The following MCPH1 variants were observed in gnomAD, a reference collection of about 807,000 sequenced individuals.
The protein encoded by MCPH1 is microcephalin.
MCPH1 carries 104 observed loss-of-function variants against 84.5 expected under a neutral mutation model. That is an observed-to-expected ratio of 1.23 (90% CI 1.05 to 1.45). MCPH1 has a LOEUF of 1.45. Ranked by LOEUF, MCPH1 falls within the 40% of genes most tolerant of loss-of-function variation. The pLI, the probability that MCPH1 is intolerant of heterozygous loss-of-function variation, is 0.00. For synonymous variants in MCPH1, 514 were observed against 366.8 expected, an observed-to-expected ratio of 1.40 and a Z score of -4.58; for missense variants, 1,498 against 1,005.7, an observed-to-expected ratio of 1.49 and a Z score of -6.62.
intron 10 of MCPH1, among the ~76,000 whole-genome samples, chr8:6,478,171 A>G (rs1223379554): frequency 1.3e-5 from 2 of 152,240 alleles, no homozygotes; most frequent in Non-Finnish European, 2.9e-5. Context: ...GATATCAATC[A>G]TAGGTTTTAA....
At chr8:6,582,642 C>T (rs991718562) in intron 12 of MCPH1, among the ~76,000 whole-genome samples, 2 of 152,194 alleles carry the variant, frequency 1.3e-5, no homozygotes, top group African/African-American at 4.8e-5. Flanking sequence ...TGCCCACCTC[C>T]ACCTCCGAGT....
intron 13 of MCPH1, among the ~76,000 whole-genome samples, chr8:6,628,211 C>A (rs1796887439): frequency 6.6e-6 from 1 of 152,062 alleles, no homozygotes; most frequent in African/African-American, 2.4e-5. Flanking sequence ...TGGCTCACTC[C>A]CGTCATCCCA....
chr8:6,508,476 A>T (rs1259000800), intron 12 of MCPH1: 1 of 184,452 alleles, frequency 5.4e-6, no homozygotes, highest in Admixed American at 6.1e-5. Context: ...CTGTGTCTGT[A>T]AATAAATAAA....
intron 3 of MCPH1, among the ~76,000 whole-genome samples, chr8:6,429,940 A>G (rs555599390): frequency 1.3e-5 from 2 of 152,294 alleles, no homozygotes; most frequent in Non-Finnish European, 2.9e-5. Flanking sequence ...TTGGAATCAC[A>G]TGAATTCTTT....
chr8:6,519,831 C>A, intron 12 of MCPH1: 2 of 1,610,060 alleles, frequency 1.2e-6, no homozygotes, highest in East Asian at 2.2e-5. Context: ...TGCCTAGAGC[C>A]AGGGAGTTAG....
At chr8:6,554,030 TG>T (rs2129575143) in intron 12 of MCPH1, among the ~76,000 whole-genome samples, 1 of 151,646 alleles carries the variant, frequency 6.6e-6, no homozygotes, top group East Asian at 1.9e-4. Context: ...CCTTCATCCC[TG>T]AAATTTGCCG....
At chr8:6,419,122 TACACATACACACACACAC>T (rs1454808608) in intron 3 of MCPH1, among the ~76,000 whole-genome samples, 1 of 131,574 alleles carries the variant, frequency 7.6e-6, no homozygotes, top group East Asian at 2.4e-4. Context: ...TATATTTATA[TACACATACACACACACAC>T]ACACACACAC....
At chr8:6,457,779 G>C (rs1316010424) in intron 9 of MCPH1, among the ~76,000 whole-genome samples, 1 of 152,132 alleles carries the variant, frequency 6.6e-6, no homozygotes, top group Non-Finnish European at 1.5e-5. Flanking sequence ...GCAAGACCTA[G>C]GTTTCCCCTC....
chr8:6,422,660 A>T (rs766004732), intron 3 of MCPH1, among the ~76,000 whole-genome samples: 1 of 151,970 alleles, frequency 6.6e-6, no homozygotes, highest in Non-Finnish European at 1.5e-5. Context: ...ACCCCATAAT[A>T]CTTGTAACTT....
In MCPH1 at chr8:6,643,060, A is replaced by G. The variant is rs1394804698; in HGVS notation, c.*11A>G. ...CTATTGTCACAATGACAGTGACCTC[A>G]CTGGCCTGTGGTGACTGCACACAGC... On this transcript the variant is annotated 3_prime_UTR_variant, in exon 14 of 14. Coordinates refer to ENST00000344683, the MANE Select transcript of MCPH1 (RefSeq NM_024596.5). The G allele has an allele frequency of 1.2e-6, 2 of 1,611,986 alleles. No homozygotes were observed. Among genetic ancestry groups the G allele is most frequent in the African/African-American group, 2.7e-5 (2 of 74,884 alleles).
At chr8:6,429,755 C>T (rs978117151) in intron 3 of MCPH1, among the ~76,000 whole-genome samples, 1 of 151,852 alleles carries the variant, frequency 6.6e-6, no homozygotes, top group African/African-American at 2.4e-5. Flanking sequence ...CCATCTTAGT[C>T]CCCAACTGCC....
chr8:6,433,859 T>C (rs1802232041), intron 4 of MCPH1, among the ~76,000 whole-genome samples: 1 of 152,060 alleles, frequency 6.6e-6, no homozygotes, highest in Non-Finnish European at 1.5e-5. Flanking sequence ...GATGGTTCTG[T>C]GCCTCTGTCT....
At chr8:6,424,583 G>A (rs1800778931) in intron 3 of MCPH1, among the ~76,000 whole-genome samples, 1 of 152,202 alleles carries the variant, frequency 6.6e-6, no homozygotes, top group African/African-American at 2.4e-5. Flanking sequence ...CTTTGACACT[G>A]TTTAAGGTCA....
intron 12 of MCPH1, among the ~76,000 whole-genome samples, chr8:6,510,712 C>G (rs967353726): frequency 3.3e-5 from 5 of 152,198 alleles, no homozygotes; most frequent in African/African-American, 1.2e-4. Context: ...TGTTTCAACA[C>G]TGGTGCACAC....
At chr8:6,562,883 C>T (rs1447437898) in intron 12 of MCPH1, 2 of 1,610,136 alleles carry the variant, frequency 1.2e-6, no homozygotes, top group Non-Finnish European at 1.7e-6. Context: ...TTGTTATAGG[C>T]TGCGGCCAAG....
intron 12 of MCPH1, among the ~76,000 whole-genome samples, chr8:6,526,144 G>A (rs1181115799): frequency 1.3e-5 from 2 of 151,618 alleles, no homozygotes; most frequent in East Asian, 1.9e-4. Flanking sequence ...ACGACGCCAG[G>A]TACGGTGGCT....
intron 12 of MCPH1, among the ~76,000 whole-genome samples, chr8:6,568,789 G>A (rs78728843): frequency 3.9e-5 from 6 of 152,176 alleles, no homozygotes; most frequent in South Asian, 4.1e-4. Context: ...CGGCCTGCCC[G>A]GCTACAGTCT....
At chr8:6,577,560 C>G (rs1827219319) in intron 12 of MCPH1, among the ~76,000 whole-genome samples, 1 of 152,336 alleles carries the variant, frequency 6.6e-6, no homozygotes, top group African/African-American at 2.4e-5. Flanking sequence ...AACTTTAGAA[C>G]TTCCTTTGGA....
chr8:6,585,049 T>A (rs1827861161), intron 12 of MCPH1, among the ~76,000 whole-genome samples: 1 of 152,242 alleles, frequency 6.6e-6, no homozygotes, highest in East Asian at 1.9e-4. Context: ...TGAGTTGTAT[T>A]TTCTAAGTAT....
Sources: gnomAD v4.1 joint callset for allele counts (sites outside exome capture counted in the v4.1 genomes callset) on GRCh38, gnomAD v4.1.1 for gene constraint, MANE v1.5 for transcripts, NCBI Gene and HGNC (gene_info 2026-07-23, HGNC 2026-07-21) for gene names.